TMEM135: variants seen among roughly 807,000 people sequenced by gnomAD.
TMEM135 encodes the protein transmembrane protein 135, also known as peroxisomal membrane protein 52.
TMEM135 carries 30 observed loss-of-function variants against 60.3 expected under a neutral mutation model. The ratio of observed to expected loss-of-function variants is 0.50; its 90% CI spans 0.37 to 0.68. The LOEUF is 0.68. TMEM135 is among the 30% of genes least tolerant of loss of function. The pLI is 0.00. For missense variants in TMEM135, 468 were observed against 548.8 expected (o/e 0.85, Z 1.47); for synonymous variants, 190 against 186.7 (o/e 1.02, Z -0.14).
intron 6 of TMEM135, among the ~76,000 whole-genome samples, chr11:87,261,869 C>A (rs1392163004): frequency 1.3e-5 from 2 of 152,150 alleles, no homozygotes; most frequent in Non-Finnish European, 2.9e-5. Flanking sequence ...AAGGAATCGG[C>A]CTGCCTTGGC....
chr11:87,147,078 C>T (rs532861927), intron 4 of TMEM135, among the ~76,000 whole-genome samples: 39 of 152,052 alleles, frequency 2.6e-4, no homozygotes, highest in Non-Finnish European at 5.9e-5. Context: ...TCCCAGCACT[C>T]TGGGAAGCCG....
In TMEM135 at chr11:87,120,731, G is replaced by T. The variant is rs113292900; in HGVS notation, c.396+29336G>T. On this transcript the variant is annotated intron_variant, in intron 4 of 14. Transcript: ENST00000305494. ...TCCACCTGCCTCGGCCTCCCAAAGT[G>T]CTGGGATTACAAACGGGAATTTCAT... Among the ~76,000 whole-genome samples the T allele has an allele frequency of 2.5e-3, 377 of 152,094 alleles. 3 individuals are homozygous for T. The highest frequency in any genetic ancestry group is 8.8e-3 in the African/African-American group (363 of 41,478).
chr11:87,295,660 T>A (rs1004076611), intron 6 of TMEM135, 122 bp from the exon 7 acceptor site: 1 of 745,138 alleles, frequency 1.3e-6, no homozygotes, highest in African/African-American at 1.8e-5. Context: ...TGACCATTCA[T>A]AATGTTCAGA....
rs1006106596 is a variant in TMEM135, at chr11:87,044,567, A to T, written c.141+6381A>T. 3.7e-4 allele frequency among the ~76,000 whole-genome samples: 57 copies of T among 152,076 alleles called. 1 individual carries two copies. The highest frequency in any genetic ancestry group is 1.3e-3 in the African/African-American group (53 of 41,370). ...AGACCTAACTTATGGGGGTGTAAAT[A>T]AGGGGCTCACTTTATCTTTCTTTTC... On this transcript the variant is annotated intron_variant, in intron 1 of 14. Transcript: ENST00000305494.
At chr11:87,148,259 T>G (rs960627077) in intron 4 of TMEM135, among the ~76,000 whole-genome samples, 2 of 152,222 alleles carry the variant, frequency 1.3e-5, no homozygotes, top group Non-Finnish European at 2.9e-5. Flanking sequence ...TGTTAGTAGT[T>G]CTTTAGGTAC....
At chr11:87,143,364 T>G in intron 4 of TMEM135, among the ~76,000 whole-genome samples, 1 of 138,336 alleles carries the variant, frequency 7.2e-6, no homozygotes, top group Admixed American at 7.8e-5. Flanking sequence ...CTTTCTTTCT[T>G]TCTTTTTTTT....
intron 6 of TMEM135, among the ~76,000 whole-genome samples, chr11:87,255,405 C>T (rs975124572): frequency 6.6e-6 from 1 of 152,110 alleles, no homozygotes; most frequent in African/African-American, 2.4e-5. Flanking sequence ...ACAAGGTATC[C>T]AATTTTTCTT....
intron 6 of TMEM135, among the ~76,000 whole-genome samples, chr11:87,240,627 C>G (rs149550854): frequency 2.5e-4 from 38 of 152,096 alleles, no homozygotes; most frequent in African/African-American, 9.2e-4. Flanking sequence ...GCACTTAACC[C>G]TACTCACACA....
At chr11:87,242,992 C>T (rs10792921) in intron 6 of TMEM135, among the ~76,000 whole-genome samples, 72,057 of 119,798 alleles carry the variant, frequency 0.6, 21,771 homozygotes, top group Middle Eastern at 0.67. Context: ...TTAGGTCTAA[C>T]GTTTAAGTCT....
chr11:87,317,992 A>G (rs1942760533), intron 12 of TMEM135, 145 bp from the exon 13 acceptor site: 2 of 679,048 alleles, frequency 2.9e-6, no homozygotes, highest in African/African-American at 1.8e-5. Flanking sequence ...GACCCTTAAC[A>G]TCATTATGAA....
At chr11:87,295,680 T>G in intron 6 of TMEM135, 102 bp from the exon 7 acceptor site, 2 of 989,484 alleles carry the variant, frequency 2.0e-6, no homozygotes, top group Non-Finnish European at 3.1e-6. Flanking sequence ...ATTTTTGCCT[T>G]AAGAGTTTCA....
At chr11:87,315,025 A>T (rs1353669097) in intron 12 of TMEM135, among the ~76,000 whole-genome samples, 3 of 151,998 alleles carry the variant, frequency 2.0e-5, no homozygotes, top group African/African-American at 7.2e-5. Context: ...ATTAGAGTTT[A>T]TGTCTTCACT....
intron 9 of TMEM135, among the ~76,000 whole-genome samples, chr11:87,307,792 A>G (rs1380298875): frequency 1.3e-5 from 2 of 152,190 alleles, no homozygotes; most frequent in African/African-American, 2.4e-5. Flanking sequence ...ATTACACCAT[A>G]TGTTAAATCA....
chr11:87,120,132 T>G (rs922064954), intron 4 of TMEM135, among the ~76,000 whole-genome samples: 4 of 148,576 alleles, frequency 2.7e-5, no homozygotes, highest in African/African-American at 9.8e-5. Flanking sequence ...TTTTTTTTTT[T>G]GAGACAGTCT....
chr11:87,216,423 A>C (rs1417016596), intron 5 of TMEM135, among the ~76,000 whole-genome samples: 1 of 151,896 alleles, frequency 6.6e-6, no homozygotes, highest in Non-Finnish European at 1.5e-5. Flanking sequence ...CTGTTGTTTG[A>C]CTATGTGTTG....
intron 6 of TMEM135, among the ~76,000 whole-genome samples, chr11:87,242,602 G>T (rs1172434012): frequency 8.3e-6 from 1 of 120,284 alleles, no homozygotes; most frequent in African/African-American, 3.1e-5. Context: ...CTGATGGCCA[G>T]TGATGATGAG....
chr11:87,186,000 A>G (rs1222421233), intron 5 of TMEM135, among the ~76,000 whole-genome samples: 1 of 150,646 alleles, frequency 6.6e-6, no homozygotes, highest in Non-Finnish European at 1.5e-5. Context: ...TTTGTCTCCC[A>G]GGTTCAAGTG....
intron 6 of TMEM135, among the ~76,000 whole-genome samples, chr11:87,289,146 G>A (rs989558940): frequency 4.6e-5 from 7 of 152,108 alleles, no homozygotes; most frequent in African/African-American, 1.4e-4. Context: ...CATTTTGTGT[G>A]TATGTAATGT....
chr11:87,074,052 G>C (rs983415022), intron 3 of TMEM135, among the ~76,000 whole-genome samples: 1 of 152,036 alleles, frequency 6.6e-6, no homozygotes, highest in Admixed American at 6.6e-5. Context: ...TGCAACCTCT[G>C]CCTCCTGGGT....
Sources: gnomAD v4.1 joint callset for allele counts (sites outside exome capture counted in the v4.1 genomes callset) on GRCh38, gnomAD v4.1.1 for gene constraint, MANE v1.5 for transcripts, NCBI Gene and HGNC (gene_info 2026-07-23, HGNC 2026-07-21) for gene names.